The following ERBB4 variants were observed in gnomAD, a reference collection of about 807,000 sequenced individuals.
ERBB4 encodes the protein receptor tyrosine-protein kinase erbB-4.
Under a neutral mutation model 158.0 loss-of-function variants are expected in ERBB4, and 42 were observed. The ratio of observed to expected loss-of-function variants is 0.27; its 90% confidence interval spans 0.21 to 0.34. The LOEUF (loss-of-function observed/expected upper bound fraction) is 0.34. ERBB4 is among the 10% of genes least tolerant of loss of function. The probability of loss-of-function intolerance (pLI) is 1.00; values close to 1 mark genes in which losing one functional copy is unlikely to be tolerated. For synonymous variants in ERBB4, 583 were observed against 558.7 expected, an observed-to-expected ratio of 1.04 and a Z score of -0.61; for missense variants, 1,333 against 1,624.1, an observed-to-expected ratio of 0.82 and a Z score of 3.08.
intron 1 of ERBB4, among the ~76,000 whole-genome samples, chr2:212,491,461 C>A (rs764109330): frequency 1.5e-3 from 220 of 151,462 alleles, no homozygotes; most frequent in Non-Finnish European, 8.7e-4. Flanking sequence ...TCCCTTTGTA[C>A]CATAAAAGGA....
At chr2:211,898,207 A>C (rs1451184741) in intron 3 of ERBB4, among the ~76,000 whole-genome samples, 1 of 152,172 alleles carries the variant, frequency 6.6e-6, no homozygotes, top group East Asian at 1.9e-4. Context: ...AAATATGCCT[A>C]TTTTAAATGT....
rs114911527 is a variant in ERBB4 at position 211,824,877 on chromosome 2, G to C, written c.422-36718C>G. Among the ~76,000 whole-genome samples, 3 of 151,814 alleles carry C rather than the reference G, an allele frequency of 2.0e-5. No individual in the cohort carries two copies. The East Asian group carries it at 5.8e-4, about 29-fold the overall frequency. ...AACTTATTTAAAATGTTAATTACCGGACTGTAATGAAGAATTTTTAGCAAG... is the reference window on the plus strand; with the variant it reads ...AACTTATTTAAAATGTTAATTACCGCACTGTAATGAAGAATTTTTAGCAAG... On this transcript the variant is annotated intron_variant, in intron 3 of 27. Coordinates refer to ENST00000342788, the MANE Select transcript of ERBB4 (RefSeq NM_005235.3).
At chr2:211,481,403 A>C (rs1211830799) in intron 20 of ERBB4, among the ~76,000 whole-genome samples, 1 of 152,172 alleles carries the variant, frequency 6.6e-6, no homozygotes, top group African/African-American at 2.4e-5. Flanking sequence ...TTTTTACAGC[A>C]TTCTAAAGGC....
At chr2:212,254,418 T>C (rs2106060722) in intron 1 of ERBB4, among the ~76,000 whole-genome samples, 1 of 152,288 alleles carries the variant, frequency 6.6e-6, no homozygotes, top group South Asian at 2.1e-4. Context: ...TATTTAAAAT[T>C]GCAATCCTGT....
intron 1 of ERBB4, among the ~76,000 whole-genome samples, chr2:212,161,930 C>T (rs962697542): frequency 6.6e-6 from 1 of 151,774 alleles, no homozygotes; most frequent in Non-Finnish European, 1.5e-5. Context: ...TCATAAATGA[C>T]AATAAATAGC....
intron 1 of ERBB4, among the ~76,000 whole-genome samples, chr2:212,278,279 A>G (rs2085621870): frequency 6.6e-6 from 1 of 151,748 alleles, no homozygotes; most frequent in South Asian, 2.1e-4. Flanking sequence ...ACTTCTGTTC[A>G]TGGGCCAACT....
At chr2:212,130,398 A>C (rs2080074279) in intron 1 of ERBB4, among the ~76,000 whole-genome samples, 1 of 152,128 alleles carries the variant, frequency 6.6e-6, no homozygotes, top group South Asian at 2.1e-4. Context: ...CTTAAGATTT[A>C]TATCCAACAG....
intron 20 of ERBB4, among the ~76,000 whole-genome samples, chr2:211,550,373 GAAAA>G (rs902382477): frequency 6.7e-6 from 1 of 148,920 alleles, no homozygotes. Flanking sequence ...TTCTAATTTA[GAAAA>G]AAAAATGTAC....
intron 1 of ERBB4, among the ~76,000 whole-genome samples, chr2:212,311,409 A>T (rs1472303489): frequency 6.6e-6 from 1 of 150,884 alleles, no homozygotes; most frequent in Non-Finnish European, 1.5e-5. Context: ...CTGTTAACAC[A>T]CCCATCCTGA....
intron 3 of ERBB4, among the ~76,000 whole-genome samples, chr2:211,816,352 G>A (rs2076879446): frequency 6.6e-6 from 1 of 151,468 alleles, no homozygotes; most frequent in Non-Finnish European, 1.5e-5. Context: ...ACCAGCCTGG[G>A]CAACATGATG....
chr2:211,792,817 G>T (rs2076305300), intron 3 of ERBB4, among the ~76,000 whole-genome samples: 1 of 151,896 alleles, frequency 6.6e-6, no homozygotes, highest in South Asian at 2.1e-4. Flanking sequence ...CCATTTTCAT[G>T]AGTCTAATAA....
intron 1 of ERBB4, among the ~76,000 whole-genome samples, chr2:212,519,786 T>C (rs150016534): frequency 1.3e-5 from 2 of 151,928 alleles, no homozygotes; most frequent in African/African-American, 4.8e-5. Context: ...CAGGGGAATA[T>C]AGAGAGAGGT....
chr2:211,471,649 A>C (rs1559201640), intron 20 of ERBB4, among the ~76,000 whole-genome samples: 1 of 152,154 alleles, frequency 6.6e-6, no homozygotes, highest in Non-Finnish European at 1.5e-5. Context: ...AAAAGCACAC[A>C]GGCAGGGAAC....
chr2:212,445,465 G>C (rs1024026419), intron 1 of ERBB4, among the ~76,000 whole-genome samples: 1 of 152,132 alleles, frequency 6.6e-6, no homozygotes, highest in South Asian at 2.1e-4. Context: ...AATTAAACTG[G>C]AAGTTAAGAT....
chr2:212,207,637 A>G (rs1434322319), intron 1 of ERBB4, among the ~76,000 whole-genome samples: 1 of 152,184 alleles, frequency 6.6e-6, no homozygotes, highest in Admixed American at 6.5e-5. Context: ...TTGCTTATGT[A>G]TAATGTCATA....
chr2:212,128,475 T>C (rs1320629736), intron 1 of ERBB4, among the ~76,000 whole-genome samples: 1 of 152,190 alleles, frequency 6.6e-6, no homozygotes, highest in African/African-American at 2.4e-5. Context: ...TGAGCCATCA[T>C]CTTGGACCGT....
intron 23 of ERBB4, 120 bp from the exon 24 acceptor site, chr2:211,422,224 G>T: frequency 1.2e-4 from 73 of 617,180 alleles, no homozygotes; most frequent in Non-Finnish European, 1.4e-4. Context: ...AATGATCTGA[G>T]AAAGAAAGCA....
At chr2:212,385,210 T>C (rs2090636056) in intron 1 of ERBB4, among the ~76,000 whole-genome samples, 1 of 151,728 alleles carries the variant, frequency 6.6e-6, no homozygotes, top group Admixed American at 6.6e-5. Context: ...TCTGCAAGAT[T>C]TACTTCAGCA....
intron 19 of ERBB4, among the ~76,000 whole-genome samples, chr2:211,574,177 C>T (rs1482817975): frequency 6.6e-6 from 1 of 152,128 alleles, no homozygotes; most frequent in African/African-American, 2.4e-5. Flanking sequence ...TCACTTTGAT[C>T]TTTTAAAGTC....
Sources: gnomAD v4.1 joint callset for allele counts (sites outside exome capture counted in the v4.1 genomes callset) on GRCh38, gnomAD v4.1.1 for gene constraint, MANE v1.5 for transcripts, NCBI Gene and HGNC (gene_info 2026-07-23, HGNC 2026-07-21) for gene names.